The following NLRC5 variants were observed in gnomAD, a reference collection of about 807,000 sequenced individuals.
NLRC5 encodes the protein NLR family CARD domain containing 5.
In NLRC5, 114 loss-of-function variants were observed where a neutral mutation model predicts 206.9. The ratio of observed to expected loss-of-function variants is 0.55; its 90% CI spans 0.47 to 0.64. The LOEUF is 0.64. Ranked by LOEUF, NLRC5 falls within the 30% of genes least tolerant of loss-of-function variation. The pLI, the probability that NLRC5 is intolerant of heterozygous loss-of-function variation, is 0.00. For synonymous variants in NLRC5, 952 were observed against 962.8 expected, an observed-to-expected ratio of 0.99 and a Z score of 0.21; for missense variants, 2,008 against 2,305.5, an observed-to-expected ratio of 0.87 and a Z score of 2.64.
intron 1 of NLRC5, among the ~76,000 whole-genome samples, chr16:57,003,443 C>T (rs1257553115): frequency 6.6e-6 from 1 of 152,124 alleles, no homozygotes; most frequent in Non-Finnish European, 1.5e-5. Flanking sequence ...TATGATGACC[C>T]CCCATAGCAG....
At chr16:57,039,139 C>G (rs1404550337) in intron 15 of NLRC5, among the ~76,000 whole-genome samples, 2 of 152,088 alleles carry the variant, frequency 1.3e-5, no homozygotes, top group African/African-American at 4.8e-5. Context: ...AGGACTCACT[C>G]CAAAGGTTAC....
chr16:57,037,642 C>T (rs1409240771), intron 15 of NLRC5, among the ~76,000 whole-genome samples: 2 of 152,118 alleles, frequency 1.3e-5, no homozygotes, highest in African/African-American at 2.4e-5. Flanking sequence ...GGACTTGCTC[C>T]GTTTGGCTTC....
intron 1 of NLRC5, among the ~76,000 whole-genome samples, chr16:57,006,413 CTTTT>C (rs58713490): frequency 1.1e-5 from 1 of 90,818 alleles, no homozygotes; most frequent in East Asian, 4.0e-4. Flanking sequence ...TCTTCATCCT[CTTTT>C]TTTTTTTTTT....
chr16:57,016,162 C>G (rs1483701507), intron 1 of NLRC5, among the ~76,000 whole-genome samples: 2 of 152,058 alleles, frequency 1.3e-5, no homozygotes, highest in African/African-American at 2.4e-5. Context: ...TTGCAGTGAG[C>G]TGAGAACATG....
intron 1 of NLRC5, chr16:56,992,409 C>G (rs2057007620): frequency 6.6e-6 from 1 of 152,056 alleles, no homozygotes; most frequent in South Asian, 2.1e-4. Context: ...ACTTTGGAGG[C>G]AATCTAAGGA....
chr16:57,034,143 C>G, intron 12 of NLRC5, 25 bp from the exon 13 acceptor site: 1 of 1,608,666 alleles, frequency 6.2e-7, no homozygotes. Context: ...GCCCTGAGCC[C>G]TTCTGTCCCC....
chr16:57,011,652 T>C (rs1347927670), intron 1 of NLRC5, among the ~76,000 whole-genome samples: 1 of 149,618 alleles, frequency 6.7e-6, no homozygotes, highest in Non-Finnish European at 1.5e-5. Flanking sequence ...AACTCAGGAG[T>C]AGGAGGCTGC....
At chr16:57,007,596 G>A (rs1244899608) in intron 1 of NLRC5, among the ~76,000 whole-genome samples, 1 of 152,100 alleles carries the variant, frequency 6.6e-6, no homozygotes, top group East Asian at 1.9e-4. Context: ...CAGGCATGGT[G>A]GCTCGTGCCT....
intron 1 of NLRC5, among the ~76,000 whole-genome samples, chr16:56,990,136 A>G (rs1346603037): frequency 6.6e-6 from 1 of 152,182 alleles, no homozygotes. Context: ...GCGGGTTTTC[A>G]TATAATGAAG....
At chr16:57,046,771 A>G in intron 22 of NLRC5, 130 bp downstream of exon 22, 1 of 753,604 alleles carries the variant, frequency 1.3e-6, no homozygotes, top group East Asian at 2.8e-5. Flanking sequence ...GAGAAAAGGA[A>G]AAGAAAGAGG....
chr16:57,017,770 C>G (rs1344347070), intron 2 of NLRC5, among the ~76,000 whole-genome samples: 2 of 152,248 alleles, frequency 1.3e-5, no homozygotes, highest in Admixed American at 6.5e-5. Context: ...AAGCAAGTTT[C>G]ATGGCTGTGC....
chr16:57,042,110 G>A lies in NLRC5; in HGVS notation c.3113+45G>A, dbSNP rs200909719. ...GAGCCTCTGAGGCTGGGGCAGGGGG[G>A]GAGCATTCTCTGTCCCATCCCCCTC... On this transcript the variant is annotated intron_variant, in intron 19 of 48. Transcript: ENST00000688547. 3.9e-6 allele frequency: 5 copies of A among 1,278,356 alleles called. No individual in the cohort carries two copies. The East Asian group carries it at 8.0e-5, about 20-fold the overall frequency. The allele number at this position is 1,278,356 out of a possible 1,614,324, so 79.2% of individuals were successfully genotyped here.
At chr16:57,029,882 C>T in intron 9 of NLRC5, 26 bp downstream of exon 9, 1 of 1,610,702 alleles carries the variant, frequency 6.2e-7, no homozygotes, top group Non-Finnish European at 8.5e-7. Flanking sequence ...ACTGCCTCTG[C>T]AGCCCAGTCC....
At position 57,037,298 on chromosome 16, in the gene NLRC5, C is replaced by T. The variant is rs778228827; in HGVS notation, c.2801+14C>T. The T allele has an allele frequency of 6.2e-7, 1 of 1,604,088 alleles. No individual in the cohort carries two copies. Among genetic ancestry groups the T allele is most frequent in the Non-Finnish European group, 8.5e-7 (1 of 1,176,356 alleles). On this transcript the variant is annotated intron_variant, in intron 15 of 48. Transcript: ENST00000688547. ...GCTGCACATCAGGTGGGAGCTCCCT[C>T]AGACCACGGTACCCATCCCCCCCCC...
At chr16:57,074,531 C>A in intron 38 of NLRC5, 69 bp from the exon 39 acceptor site, 2 of 1,361,948 alleles carry the variant, frequency 1.5e-6, no homozygotes, top group Non-Finnish European at 1.1e-6. Flanking sequence ...AGCACAGAGG[C>A]CTCAGACCCC....
intron 44 of NLRC5, 28 bp downstream of exon 44, chr16:57,079,161 C>T (rs1402871399): frequency 5.0e-6 from 8 of 1,612,730 alleles, no homozygotes; most frequent in African/African-American, 1.3e-5. Flanking sequence ...AGCCCAGGCA[C>T]GGGGACAGTC....
chr16:57,054,874 C>T (rs1396081033), intron 25 of NLRC5, 34 bp downstream of exon 25: 1 of 1,606,582 alleles, frequency 6.2e-7, no homozygotes, highest in South Asian at 1.1e-5. Flanking sequence ...AGGACTCGTC[C>T]TGAAGGGTTG....
chr16:57,065,845 C>A (rs2067022112), intron 33 of NLRC5, among the ~76,000 whole-genome samples: 1 of 152,178 alleles, frequency 6.6e-6, no homozygotes, highest in African/African-American at 2.4e-5. Context: ...GTACTGTCAC[C>A]AGCCACACAG....
intron 39 of NLRC5, chr16:57,076,064 C>T (rs1274727648): frequency 2.6e-5 from 5 of 195,044 alleles, no homozygotes; most frequent in Non-Finnish European, 4.5e-5. Context: ...CAGGTATGCA[C>T]CACCACGCCC....
Sources: allele counts gnomAD v4.1 joint callset (sites outside exome capture counted in the v4.1 genomes callset), GRCh38; gene constraint gnomAD v4.1.1; transcripts MANE v1.5; gene names NCBI Gene and HGNC (gene_info 2026-07-23, HGNC 2026-07-21).